The following BTBD9 variants were observed in gnomAD, a reference collection of about 807,000 sequenced individuals.
BTBD9 encodes the protein BTB/POZ domain-containing protein 9.
In BTBD9, 49 loss-of-function variants were observed where a neutral mutation model predicts 64.3. The observed-to-expected ratio is 0.76, with a 90% CI of 0.61 to 0.97. The LOEUF (loss-of-function observed/expected upper bound fraction) is 0.97. Among genes scored for constraint, BTBD9 ranks in the 50% least tolerant of loss-of-function variants. The pLI, the probability that BTBD9 is intolerant of heterozygous loss-of-function variation, is 0.00. For missense variants in BTBD9, 598 were observed against 762.1 expected (o/e 0.78, Z 2.53); for synonymous variants, 260 against 274.7 (o/e 0.95, Z 0.53).
At chr6:38,217,510 G>C (rs1763049298) in intron 9 of BTBD9, among the ~76,000 whole-genome samples, 2 of 152,072 alleles carry the variant, frequency 1.3e-5, no homozygotes, top group South Asian at 4.2e-4. Flanking sequence ...CCGTGGGCAA[G>C]AAGGTTCCAA....
chr6:38,582,239 C>T (rs1776322080), intron 4 of BTBD9, among the ~76,000 whole-genome samples: 1 of 152,156 alleles, frequency 6.6e-6, no homozygotes, highest in Admixed American at 6.5e-5. Flanking sequence ...TAAGTGCTAT[C>T]GATTTATAAC....
In BTBD9 at chr6:38,449,748, A is replaced by T. The variant is rs577712814; in HGVS notation, c.1155-104655T>A. On this transcript the variant is annotated intron_variant, in intron 6 of 10. Coordinates refer to ENST00000481247, the MANE Select transcript of BTBD9 (RefSeq NM_001099272.2). Reference sequence around the variant, plus strand: ...AGTGAGACCTCATCTCTATTTTTTTAAAAAAGAAAAAAAAAAGATAAAAAT... The same window carrying T: ...AGTGAGACCTCATCTCTATTTTTTTTAAAAAGAAAAAAAAAAGATAAAAAT... 2.9e-3 allele frequency among the ~76,000 whole-genome samples: 444 copies of T among 152,048 alleles called. 4 individuals carry two copies. Among genetic ancestry groups the T allele is most frequent in the African/African-American group, 0.01 (419 of 41,512 alleles).
At chr6:38,346,590 G>A (rs1299892197) in intron 6 of BTBD9, among the ~76,000 whole-genome samples, 1 of 143,018 alleles carries the variant, frequency 7.0e-6, no homozygotes, top group Non-Finnish European at 1.5e-5. Flanking sequence ...AGCCCTCAAG[G>A]CAGACAGAAG....
At chr6:38,220,503 A>G (rs1339908997) in intron 9 of BTBD9, among the ~76,000 whole-genome samples, 1 of 152,232 alleles carries the variant, frequency 6.6e-6, no homozygotes, top group East Asian at 1.9e-4. Flanking sequence ...ACTGGCCAAC[A>G]GGGATCTTTT....
chr6:38,395,779 G>A (rs930259758), intron 6 of BTBD9, among the ~76,000 whole-genome samples: 5 of 150,492 alleles, frequency 3.3e-5, no homozygotes, highest in East Asian at 2.0e-4. Flanking sequence ...GTGTGATCTC[G>A]GCTCACTGCA....
intron 6 of BTBD9, among the ~76,000 whole-genome samples, chr6:38,473,333 T>C (rs908618900): frequency 2.0e-5 from 3 of 152,214 alleles, no homozygotes; most frequent in Non-Finnish European, 4.4e-5. Flanking sequence ...TTTTGGGTTA[T>C]GGTTTTGTTT....
intron 6 of BTBD9, among the ~76,000 whole-genome samples, chr6:38,508,385 C>A (rs773369897): frequency 6.6e-6 from 1 of 152,050 alleles, no homozygotes; most frequent in Middle Eastern, 3.2e-3. Flanking sequence ...ACCCCTCCCC[C>A]AAATAGACAC....
intron 9 of BTBD9, among the ~76,000 whole-genome samples, chr6:38,222,348 C>T (rs367720984): frequency 8.6e-5 from 12 of 138,826 alleles, no homozygotes; most frequent in Admixed American, 6.5e-4. Context: ...GCAAGCTCTG[C>T]CTCCCGGGTT....
At chr6:38,232,791 G>A (rs990529440) in intron 9 of BTBD9, among the ~76,000 whole-genome samples, 5 of 151,900 alleles carry the variant, frequency 3.3e-5, no homozygotes, top group East Asian at 1.9e-4. Context: ...GCATCACTGC[G>A]CCTGGCTGAG....
chr6:38,314,657 C>G (rs547886585), intron 7 of BTBD9, among the ~76,000 whole-genome samples: 2 of 151,948 alleles, frequency 1.3e-5, no homozygotes, highest in Non-Finnish European at 2.9e-5. Context: ...GCTTCAATCT[C>G]GTTACTTGTT....
At chr6:38,592,957 C>A in intron 3 of BTBD9, 117 bp from the exon 4 acceptor site, 1 of 1,044,902 alleles carries the variant, frequency 9.6e-7, no homozygotes, top group South Asian at 1.6e-5. Flanking sequence ...TTGACCCTCT[C>A]CTTCCCTTAT....
chr6:38,211,143 C>A (rs1762818405), intron 9 of BTBD9, among the ~76,000 whole-genome samples: 2 of 152,198 alleles, frequency 1.3e-5, no homozygotes, highest in African/African-American at 4.8e-5. Context: ...GAAATGGGTT[C>A]ATAAGGCCAG....
chr6:38,628,062 T>C (rs939753010), intron 1 of BTBD9, among the ~76,000 whole-genome samples: 3 of 152,242 alleles, frequency 2.0e-5, no homozygotes, highest in Admixed American at 1.3e-4. Flanking sequence ...AACTTTTTTA[T>C]TGATAAGCAG....
chr6:38,231,876 T>A (rs945135290), intron 9 of BTBD9, among the ~76,000 whole-genome samples: 2 of 152,174 alleles, frequency 1.3e-5, no homozygotes, highest in Non-Finnish European at 2.9e-5. Flanking sequence ...TAAATTAAAA[T>A]GCATTTCAGA....
chr6:38,531,143 C>G (rs959659270), intron 6 of BTBD9, among the ~76,000 whole-genome samples: 2 of 152,044 alleles, frequency 1.3e-5, no homozygotes, highest in African/African-American at 2.4e-5. Context: ...GCAGATTCAA[C>G]CCAAAGAAGA....
chr6:38,507,778 T>G lies in BTBD9; in HGVS notation c.1154+69822A>C, dbSNP rs910455273. On this transcript the variant is annotated intron_variant, in intron 6 of 10. Transcript: ENST00000481247. ...CTCTATATATACACACTAAATCATC[T>G]CATGTACTTGTAGAGTTTCAGTTAC... Among the ~76,000 whole-genome samples the G allele has an allele frequency of 5.3e-5, 8 of 151,824 alleles. No homozygotes were observed. In the East Asian group the frequency reaches 1.5e-3, roughly 29 times the overall value.
chr6:38,619,285 A>G (rs1699005), intron 1 of BTBD9, among the ~76,000 whole-genome samples: 99,395 of 151,970 alleles, frequency 0.65, 32,902 homozygotes, highest in African/African-American at 0.76. Context: ...CAACCTTGGT[A>G]TTCTATAATA....
intron 6 of BTBD9, among the ~76,000 whole-genome samples, chr6:38,562,263 T>C (rs956252527): frequency 6.6e-6 from 1 of 152,204 alleles, no homozygotes; most frequent in Non-Finnish European, 1.5e-5. Context: ...TCTTTCTCCT[T>C]CCCTCTTCAG....
At position 38,609,628 on chromosome 6, in the gene BTBD9, T is replaced by C. The variant is rs193208577; in HGVS notation, c.-27-11507A>G. 4.2e-4 allele frequency among the ~76,000 whole-genome samples: 64 copies of C among 152,342 alleles called. 1 individual carries two copies. The highest frequency in any genetic ancestry group is 1.3e-3 in the African/African-American group (54 of 41,586). On this transcript the variant is annotated intron_variant, in intron 1 of 10. Transcript: ENST00000481247. The stretch of plus-strand genomic sequence containing the variant: ...TTAGAACAAAAACTCTAAAGGGTAG[T>C]GGACGGTTCTTCTGTATTCTGTTCA...
Sources: allele counts gnomAD v4.1 joint callset (sites outside exome capture counted in the v4.1 genomes callset), GRCh38; gene constraint gnomAD v4.1.1; transcripts MANE v1.5; gene names NCBI Gene and HGNC (gene_info 2026-07-23, HGNC 2026-07-21).